Variants in VPS13D observed in about 807,000 individuals in gnomAD.
VPS13D encodes vacuolar protein sorting 13 homolog D, also known as intermembrane lipid transfer protein VPS13D.
In VPS13D, 187 loss-of-function variants were observed where a neutral mutation model predicts 461.9. The observed-to-expected ratio is 0.40, with a 90% CI of 0.36 to 0.46. VPS13D has a LOEUF of 0.46. Among genes scored for constraint, VPS13D ranks in the 20% least tolerant of loss-of-function variants. The pLI is 0.60. For synonymous variants in VPS13D, 1,951 were observed against 1,986.3 expected (o/e 0.98, Z 0.47); for missense variants, 4,711 against 5,364.9 (o/e 0.88, Z 3.81).
chr1:12,309,412 T>C (rs1334261507), intron 27 of VPS13D, among the ~76,000 whole-genome samples: 1 of 151,060 alleles, frequency 6.6e-6, no homozygotes, highest in East Asian at 2.0e-4. Flanking sequence ...GGTTTCACCA[T>C]GTTGGCCAGG....
At chr1:12,383,763 A>T (rs373097851) in intron 58 of VPS13D, among the ~76,000 whole-genome samples, 2 of 152,242 alleles carry the variant, frequency 1.3e-5, no homozygotes, top group East Asian at 1.9e-4. Flanking sequence ...CGGAACATTT[A>T]CCAGTGAACG....
chr1:12,371,671 G>A (rs563595546), intron 54 of VPS13D, among the ~76,000 whole-genome samples: 15 of 152,242 alleles, frequency 9.9e-5, no homozygotes, highest in African/African-American at 2.9e-4. Context: ...GGGATTACAG[G>A]CTTGAGCCAC....
rs746112645 is a variant in VPS13D, at chr1:12,244,266, C to T, written c.196C>T (p.Leu66Phe). 3.7e-5 allele frequency: 59 copies of T among 1,613,174 alleles called. No individual in the cohort carries two copies. The highest frequency in any genetic ancestry group is 4.2e-5 in the Non-Finnish European group (50 of 1,179,710). ...TCCAGGCTTCATTGGGAAAGTAACCCTTCAGATTCCCTTTTATCGCCCCCA... is the reference window on the plus strand; with the variant it reads ...TCCAGGCTTCATTGGGAAAGTAACCTTTCAGATTCCCTTTTATCGCCCCCA... ...VKAGFIGKVT[L>F]QIPFYRPHVD... is the part of the protein sequence containing the mutation. Residue 66 changes from leucine to phenylalanine, a missense_variant, in exon 4 of 70, where the codon CTT (leucine) becomes TTT (phenylalanine). Leu to Phe is a conservative substitution (Grantham distance 22). Transcript: ENST00000620676.
chr1:12,494,956 C>T (rs576153152), intron 67 of VPS13D, among the ~76,000 whole-genome samples: 17 of 152,276 alleles, frequency 1.1e-4, no homozygotes, highest in African/African-American at 3.6e-4. Flanking sequence ...CTCGTTTATT[C>T]GGCTTATCCT....
chr1:12,293,702 AC>A lies in VPS13D; in HGVS notation c.6032del (p.Thr2011ArgfsTer2). 6.2e-7 allele frequency: 1 copy of A among 1,613,148 alleles called. No individual in the cohort carries two copies. The highest frequency in any genetic ancestry group is 8.5e-7 in the Non-Finnish European group (1 of 1,179,714). On this transcript the variant is annotated frameshift_variant and splice_region_variant, in exon 24 of 70. Transcript: ENST00000620676. LOFTEE classifies it high-confidence loss of function. ...GRQRAAIEGQ[T>X]VRDQAQRCSR... is the part of the protein sequence containing the mutation. ...CCAGCGAGCTGCTATTGAGGGGCAG[AC>A]GGTAGGTAGCCTGGGCCCTCCAAGC...
chr1:12,432,058 G>A lies in VPS13D; in HGVS notation c.12333+15231G>A, dbSNP rs147216367. On this transcript the variant is annotated intron_variant, in intron 65 of 69. Coordinates refer to ENST00000620676, the MANE Select transcript of VPS13D (RefSeq NM_015378.4). ...AATGTTCATATGTTTTTCTCTGTAT[G>A]TTGTTAGAATTGTCATCGGGTTCTT... is the stretch of plus-strand genomic sequence containing the variant. 5.2e-3 allele frequency among the ~76,000 whole-genome samples: 786 copies of A among 152,264 alleles called. 9 individuals carry two copies. Among genetic ancestry groups the A allele is most frequent in the Non-Finnish European group, 7.2e-3 (490 of 68,006 alleles).
chr1:12,296,473 C>A (rs1021580374), intron 24 of VPS13D, among the ~76,000 whole-genome samples: 6 of 152,142 alleles, frequency 3.9e-5, no homozygotes, highest in African/African-American at 1.4e-4. Flanking sequence ...CTTTTAGAAT[C>A]CAGCTATTTT....
chr1:12,272,107 G>A (rs971665576), intron 17 of VPS13D, among the ~76,000 whole-genome samples: 6 of 152,192 alleles, frequency 3.9e-5, no homozygotes, highest in African/African-American at 1.4e-4. Context: ...CGGGAGGATT[G>A]CTTGAGCCCA....
rs370784596 is a variant in VPS13D at position 12,273,124 on chromosome 1, C to T, written c.2225C>T (p.Thr742Met). ...VVVDLGRMLL[T>M]NTQDNSRRKS... is the part of the protein sequence containing the mutation. ...GTGGATCTAGGAAGAATGCTTTTGA[C>T]GAACACCCAAGGTATAGTGTGAGTG... is the stretch of plus-strand genomic sequence containing the variant. Residue 742 changes from threonine to methionine, a missense_variant, in exon 18 of 70, where the codon ACG becomes ATG. Thr to Met is a moderately conservative substitution (Grantham distance 81). This residue lies in a region of VPS13D where 4,411 missense variants were observed against 4,937.8 expected (regional missense o/e 0.89). Transcript: ENST00000620676. 1.2e-4 allele frequency: 189 copies of T among 1,613,902 alleles called. No homozygotes were observed. The highest frequency in any genetic ancestry group is 9.7e-4 in the South Asian group (88 of 91,056).
Position 12,378,505 on chromosome 1 carries a change from C to T in VPS13D, c.10995C>T (p.His3665=). 1.2e-6 allele frequency: 2 copies of T among 1,612,974 alleles called. No homozygotes were observed. Among genetic ancestry groups the T allele is most frequent in the Non-Finnish European group, 1.7e-6 (2 of 1,179,560 alleles). The change falls in exon 56 of 70, where the codon CAC becomes CAT. Residue 3665 remains histidine, a synonymous_variant. Coordinates refer to ENST00000620676, the MANE Select transcript of VPS13D (RefSeq NM_015378.4). ...CCCATGAGGGCTCCTCAGTTCCTCACAATCCCAATAAGCCCTCAGCCGCCC... is the reference window on the plus strand; with the variant it reads ...CCCATGAGGGCTCCTCAGTTCCTCATAATCCCAATAAGCCCTCAGCCGCCC... ...MLAHEGSSVP[H]NPNKPSAARS...
intron 65 of VPS13D, among the ~76,000 whole-genome samples, chr1:12,450,088 A>G (rs1376664248): frequency 6.6e-6 from 1 of 152,146 alleles, no homozygotes; most frequent in East Asian, 1.9e-4. Flanking sequence ...GCACCACTGC[A>G]CTCCAGCCTG....
At chr1:12,353,919 A>C in intron 46 of VPS13D, 55 bp from the exon 47 acceptor site, 1 of 1,567,922 alleles carries the variant, frequency 6.4e-7, no homozygotes, top group Non-Finnish European at 8.7e-7. Flanking sequence ...CTAAGGAGAA[A>C]AAATTTAAGT....
chr1:12,506,361 G>T (rs909403409), intron 68 of VPS13D, among the ~76,000 whole-genome samples: 2 of 152,226 alleles, frequency 1.3e-5, no homozygotes, highest in Non-Finnish European at 2.9e-5. Context: ...ACATGAAGTG[G>T]ATGGGGGGGT....
At chr1:12,374,740 G>T (rs1385937717) in intron 55 of VPS13D, among the ~76,000 whole-genome samples, 4 of 152,066 alleles carry the variant, frequency 2.6e-5, no homozygotes, top group African/African-American at 9.7e-5. Flanking sequence ...ATGTATGTAT[G>T]TATTTATTTA....
At chr1:12,309,448 A>T (rs909072438) in intron 27 of VPS13D, among the ~76,000 whole-genome samples, 15 of 150,956 alleles carry the variant, frequency 9.9e-5, no homozygotes, top group African/African-American at 3.4e-4. Context: ...TGACCTCGTG[A>T]TCCACCTGCC....
At chr1:12,364,662 A>G (rs186077569) in intron 52 of VPS13D, among the ~76,000 whole-genome samples, 67 of 152,342 alleles carry the variant, frequency 4.4e-4, no homozygotes, top group African/African-American at 1.5e-3. Flanking sequence ...TGTTTTTGAC[A>G]CAAGCCTTAA....
chr1:12,257,867 T>C, intron 9 of VPS13D, 68 bp from the exon 10 acceptor site: 1 of 1,581,974 alleles, frequency 6.3e-7, no homozygotes. Flanking sequence ...ATGTGGATTG[T>C]CCTGGATTGG....
intron 67 of VPS13D, among the ~76,000 whole-genome samples, chr1:12,481,416 T>A (rs910597615): frequency 6.6e-6 from 1 of 152,214 alleles, no homozygotes; most frequent in Non-Finnish European, 1.5e-5. Flanking sequence ...CTAACACATT[T>A]TATATATATC....
chr1:12,379,893 C>G (rs574716455), intron 57 of VPS13D, among the ~76,000 whole-genome samples: 7 of 152,066 alleles, frequency 4.6e-5, no homozygotes, highest in Non-Finnish European at 8.8e-5. Flanking sequence ...CTCAGCCTCC[C>G]GAGTAGCTGG....
Sources: allele counts gnomAD v4.1 joint callset (sites outside exome capture counted in the v4.1 genomes callset), GRCh38; gene constraint gnomAD v4.1.1; regional missense constraint gnomAD v4.1.1; transcripts MANE v1.5; gene names NCBI Gene and HGNC (gene_info 2026-07-23, HGNC 2026-07-21).